KRAS: variants seen among roughly 807,000 people sequenced by gnomAD.
KRAS encodes the protein KRas proto-oncogene, GTPase.
Under a neutral mutation model 21.0 loss-of-function variants are expected in KRAS, and 1 was observed. The ratio of observed to expected loss-of-function variants is 0.05; its 90% confidence interval spans 0.02 to 0.23. KRAS has a LOEUF of 0.23. Among genes scored for constraint, KRAS ranks in the 10% least tolerant of loss-of-function variants. KRAS has a pLI of 1.00. For synonymous variants in KRAS, 67 were observed against 72.5 expected, an observed-to-expected ratio of 0.92 and a Z score of 0.39; for missense variants, 107 against 221.8, an observed-to-expected ratio of 0.48 and a Z score of 3.29.
chr12:25,228,196 T>C (rs1224815972), intron 2 of KRAS, among the ~76,000 whole-genome samples: 1 of 143,442 alleles, frequency 7.0e-6, no homozygotes, highest in Non-Finnish European at 1.5e-5. Flanking sequence ...TTTTTTTTTT[T>C]TTTTTGGAGA....
chr12:25,237,887 ACTGGGCAC>A (rs1469840297), intron 2 of KRAS, among the ~76,000 whole-genome samples: 1 of 152,174 alleles, frequency 6.6e-6, no homozygotes, highest in Admixed American at 6.5e-5. Flanking sequence ...TTACAAAATC[ACTGGGCAC>A]CTACAGTTGA....
intron 1 of KRAS, among the ~76,000 whole-genome samples, chr12:25,247,370 G>C (rs1951697871): frequency 6.6e-6 from 1 of 152,180 alleles, no homozygotes; most frequent in Admixed American, 6.5e-5. Flanking sequence ...TAGAAAAATT[G>C]TATCACACAC....
intron 2 of KRAS, among the ~76,000 whole-genome samples, chr12:25,240,915 C>T (rs1433188401): frequency 1.3e-5 from 2 of 152,108 alleles, no homozygotes; most frequent in African/African-American, 4.8e-5. Context: ...TTCTACAGTC[C>T]TATAAAACTC....
In KRAS at chr12:25,209,431, A is replaced by G. The variant is rs1565878691; in HGVS notation, c.*364T>C. The G allele has an allele frequency of 1.9e-6, 2 of 1,060,614 alleles. No homozygotes were observed. The highest frequency in any genetic ancestry group is 7.2e-5 in the Admixed American group (2 of 27,872). The allele number at this position is 1,060,614 out of a possible 1,614,324, so 65.7% of individuals were successfully genotyped here. A position where few individuals can be genotyped will look rare whatever the true frequency, so the allele number is the denominator to read the frequency against. ...TAATCCATTTATGTGACTAGATAAA[A>G]CACAGAATAGGGATGATTCAAAAGC... On this transcript the variant is annotated 3_prime_UTR_variant, in exon 5 of 5. Coordinates refer to ENST00000311936, the MANE Select transcript of KRAS (RefSeq NM_004985.5).
intron 4 of KRAS, among the ~76,000 whole-genome samples, chr12:25,224,648 G>C (rs982396304): frequency 6.6e-6 from 1 of 152,126 alleles, no homozygotes; most frequent in African/African-American, 2.4e-5. Context: ...GGTAGCCCAA[G>C]TGTAGGTTTA....
At chr12:25,231,559 A>T (rs960882721) in intron 2 of KRAS, among the ~76,000 whole-genome samples, 5 of 152,220 alleles carry the variant, frequency 3.3e-5, no homozygotes, top group African/African-American at 1.2e-4. Context: ...TGAATACACC[A>T]GTGCGACCGA....
intron 4 of KRAS, chr12:25,210,666 T>C (rs1253970159): frequency 1.3e-5 from 2 of 152,164 alleles, no homozygotes; most frequent in Non-Finnish European, 2.9e-5. Context: ...GAGGAGATTC[T>C]TTCTATCCCA....
At chr12:25,224,602 T>C (rs542292961) in intron 4 of KRAS, among the ~76,000 whole-genome samples, 51 of 152,308 alleles carry the variant, frequency 3.3e-4, no homozygotes, top group African/African-American at 1.1e-3. Context: ...GTTAATTTAT[T>C]ATTGAACAGA....
chr12:25,226,907 C>CT (rs1010451454), intron 3 of KRAS, among the ~76,000 whole-genome samples: 1 of 151,984 alleles, frequency 6.6e-6, no homozygotes, highest in African/African-American at 2.4e-5. Context: ...TTTTCATATT[C>CT]TTTTTTATGG....
At chr12:25,225,455 T>C (rs1951380425) in intron 4 of KRAS, 159 bp downstream of exon 4, 1 of 709,474 alleles carries the variant, frequency 1.4e-6, no homozygotes, top group Non-Finnish European at 2.4e-6. Flanking sequence ...CCATGGACAC[T>C]GGATTAAGAA....
chr12:25,246,375 T>C (rs1031722240), intron 1 of KRAS, among the ~76,000 whole-genome samples: 3 of 151,982 alleles, frequency 2.0e-5, no homozygotes, highest in Non-Finnish European at 4.4e-5. Context: ...CTGGCCAATA[T>C]GGTGAAACCC....
chr12:25,214,979 T>C (rs570192659), intron 4 of KRAS, among the ~76,000 whole-genome samples: 1 of 152,268 alleles, frequency 6.6e-6, no homozygotes, highest in South Asian at 2.1e-4. Context: ...AAGTTATTAT[T>C]TGCTTGTAAA....
At chr12:25,221,024 C>CAAAAAAAAA (rs67015511) in intron 4 of KRAS, among the ~76,000 whole-genome samples, 1 of 84,812 alleles carries the variant, frequency 1.2e-5, no homozygotes, top group Non-Finnish European at 2.2e-5. Context: ...GACTCTGCCT[C>CAAAAAAAAA]AAAAAAAAAA....
chr12:25,209,099 G>C lies in KRAS; in HGVS notation c.*696C>G. ...TCTGCCTTAACAGGAAAAGCTATTA[G>C]GAGTCTTTATAGTAATTTATCTAAT... On this transcript the variant is annotated 3_prime_UTR_variant, in exon 5 of 5. Coordinates refer to ENST00000311936, the MANE Select transcript of KRAS (RefSeq NM_004985.5). 2.1e-6 allele frequency: 1 copy of C among 472,052 alleles called. No homozygotes were observed. Among genetic ancestry groups the C allele is most frequent in the Non-Finnish European group, 3.7e-6 (1 of 269,422 alleles). The allele number at this position is 472,052 out of a possible 1,614,324, so 29.2% of individuals were successfully genotyped here.
Position 25,207,508 on chromosome 12 carries a change from C to A in KRAS, c.*2287G>T. The A allele has an allele frequency of 9.5e-6, 1 of 105,242 alleles. No homozygotes were observed. The highest frequency in any genetic ancestry group is 1.7e-5 in the Non-Finnish European group (1 of 60,086). 6.5% of individuals were successfully genotyped at this position (105,242 alleles called of 1,614,324 possible). Reference sequence around the variant, plus strand: ...CAGCCTGGGTGACAAGAGCGAGACTCTGACACCAAAAAAAAAAAGTAAGCT... The same window carrying A: ...CAGCCTGGGTGACAAGAGCGAGACTATGACACCAAAAAAAAAAAGTAAGCT... On this transcript the variant is annotated 3_prime_UTR_variant, in exon 5 of 5. Coordinates refer to ENST00000311936, the MANE Select transcript of KRAS (RefSeq NM_004985.5).
At chr12:25,236,058 G>A (rs1951541577) in intron 2 of KRAS, among the ~76,000 whole-genome samples, 1 of 151,956 alleles carries the variant, frequency 6.6e-6, no homozygotes, top group Non-Finnish European at 1.5e-5. Flanking sequence ...CACACAGGTG[G>A]GTACCAGTCC....
intron 4 of KRAS, among the ~76,000 whole-genome samples, chr12:25,213,478 A>G (rs937517878): frequency 2.6e-5 from 4 of 152,248 alleles, no homozygotes; most frequent in Non-Finnish European, 4.4e-5. Flanking sequence ...TTTAACATGC[A>G]AAATTGCTTT....
At chr12:25,218,641 G>A (rs1360612550) in intron 4 of KRAS, among the ~76,000 whole-genome samples, 1 of 152,122 alleles carries the variant, frequency 6.6e-6, no homozygotes, top group East Asian at 1.9e-4. Flanking sequence ...ATGCTTTAAA[G>A]TCATACTGAC....
In KRAS at chr12:25,228,270, C is replaced by T. The variant is rs79719406; in HGVS notation, c.112-858G>A. Among the ~76,000 whole-genome samples the T allele has an allele frequency of 3.6e-3, 503 of 138,292 alleles. 8 individuals are homozygous for T. Among genetic ancestry groups the T allele is most frequent in the African/African-American group, 0.013 (484 of 36,658 alleles). 90.7% of individuals were successfully genotyped at this position (138,292 alleles called of 152,430 possible). On this transcript the variant is annotated intron_variant, in intron 2 of 4. Coordinates refer to ENST00000311936, the MANE Select transcript of KRAS (RefSeq NM_004985.5). Reference sequence around the variant, plus strand: ...GGCTCAAGCGATCCTCCTGCCTTGGCCACCCAACGTGTTGGGATTACAAGC... The same window carrying T: ...GGCTCAAGCGATCCTCCTGCCTTGGTCACCCAACGTGTTGGGATTACAAGC...
Sources: allele counts gnomAD v4.1 joint callset (sites outside exome capture counted in the v4.1 genomes callset), GRCh38; gene constraint gnomAD v4.1.1; transcripts MANE v1.5; gene names NCBI Gene and HGNC (gene_info 2026-07-23, HGNC 2026-07-21).